Variants in PRICKLE2 observed in about 807,000 individuals in gnomAD.
The protein encoded by PRICKLE2 is prickle-like protein 2.
A neutral mutation model predicts 81.4 loss-of-function variants in PRICKLE2; 21 were observed. That is an observed-to-expected ratio of 0.26 (90% confidence interval 0.18 to 0.37). The LOEUF (loss-of-function observed/expected upper bound fraction) is 0.37. Among genes scored for constraint, PRICKLE2 ranks in the 10% least tolerant of loss-of-function variants. PRICKLE2 has a pLI of 1.00. For missense variants in PRICKLE2, 940 were observed against 1,109.0 expected, an observed-to-expected ratio of 0.85 and a Z score of 2.16; for synonymous variants, 456 against 421.5, an observed-to-expected ratio of 1.08 and a Z score of -1.00.
intron 6 of PRICKLE2, among the ~76,000 whole-genome samples, chr3:64,149,302 T>A (rs549826794): frequency 6.6e-6 from 1 of 152,256 alleles, no homozygotes; most frequent in South Asian, 2.1e-4. Flanking sequence ...GCAAAAAAAA[T>A]CTGCTCTCCT....
rs148462073 is a variant in PRICKLE2 at position 64,121,942 on chromosome 3, T to C, written c.1661-22017A>G. On this transcript the variant is annotated intron_variant, in intron 7 of 7. Coordinates refer to ENST00000638394, the MANE Select transcript of PRICKLE2 (RefSeq NM_198859.4). ...GAACCTTGGCTTTCTTCTGAACTTC[T>C]AGCAGAGACGCTCCAAGCTCCTCCC... is the stretch of plus-strand genomic sequence containing the variant. 1.4e-4 allele frequency among the ~76,000 whole-genome samples: 22 copies of C among 152,314 alleles called. 1 individual carries two copies. The East Asian group carries it at 4.1e-3, about 28-fold the overall frequency.
chr3:64,179,005 TTCTTTCTTTC>T (rs1033030083), intron 2 of PRICKLE2, among the ~76,000 whole-genome samples: 2 of 149,596 alleles, frequency 1.3e-5, no homozygotes, highest in African/African-American at 5.0e-5. Context: ...CTTTCTTTCT[TTCTTTCTTTC>T]TTTCTTTCTT....
intron 7 of PRICKLE2, chr3:64,100,760 T>C (rs1235786758): frequency 3.3e-5 from 5 of 152,234 alleles, no homozygotes; most frequent in African/African-American, 9.7e-5. Flanking sequence ...ATTTTGAAGG[T>C]AGTGGGAGAT....
At chr3:64,212,217 T>C (rs1379944139) in intron 1 of PRICKLE2, among the ~76,000 whole-genome samples, 1 of 152,242 alleles carries the variant, frequency 6.6e-6, no homozygotes, top group Non-Finnish European at 1.5e-5. Context: ...CTGTCAGACC[T>C]GCTGTTCTGC....
intron 2 of PRICKLE2, among the ~76,000 whole-genome samples, chr3:64,241,784 G>A (rs1384735417): frequency 6.6e-6 from 1 of 152,168 alleles, no homozygotes; most frequent in Non-Finnish European, 1.5e-5. Context: ...AGTACTGTCT[G>A]GGAAGGCAAC....
At chr3:64,118,953 A>T (rs1274799695) in intron 7 of PRICKLE2, among the ~76,000 whole-genome samples, 1 of 152,222 alleles carries the variant, frequency 6.6e-6, no homozygotes, top group Non-Finnish European at 1.5e-5. Context: ...CACACTAGCG[A>T]AGACATGGAA....
chr3:64,162,405 G>C (rs972419578), intron 3 of PRICKLE2, among the ~76,000 whole-genome samples: 4 of 152,016 alleles, frequency 2.6e-5, no homozygotes, highest in Admixed American at 1.3e-4. Context: ...TCGAGGATAA[G>C]AGATGCCCGC....
At chr3:64,257,900 G>A (rs778784030) in intron 2 of PRICKLE2, among the ~76,000 whole-genome samples, 2 of 152,084 alleles carry the variant, frequency 1.3e-5, no homozygotes, top group African/African-American at 4.8e-5. Flanking sequence ...CTCATGAATA[G>A]GATTAGTGCT....
At chr3:64,121,662 T>A (rs568532882) in intron 7 of PRICKLE2, among the ~76,000 whole-genome samples, 1 of 152,302 alleles carries the variant, frequency 6.6e-6, no homozygotes, top group East Asian at 1.9e-4. Flanking sequence ...GATGGCTAAG[T>A]TTTTTGGCAC....
intron 6 of PRICKLE2, among the ~76,000 whole-genome samples, chr3:64,150,851 G>A (rs1035032100): frequency 5.9e-5 from 9 of 152,206 alleles, no homozygotes; most frequent in Non-Finnish European, 1.5e-5. Context: ...ATCATAAAGC[G>A]GCCTGGCAGG....
intron 2 of PRICKLE2, chr3:64,182,804 G>A (rs974637731): frequency 3.3e-5 from 5 of 152,006 alleles, no homozygotes; most frequent in Admixed American, 2.0e-4. Context: ...AAGAAATGGC[G>A]AATAACCACT....
At chr3:64,193,100 A>G (rs2078376659) in intron 2 of PRICKLE2, among the ~76,000 whole-genome samples, 1 of 152,132 alleles carries the variant, frequency 6.6e-6, no homozygotes, top group East Asian at 1.9e-4. Context: ...TGACCACTAC[A>G]CCTCCAGAAA....
chr3:64,188,898 C>T (rs2078283679), intron 2 of PRICKLE2, among the ~76,000 whole-genome samples: 1 of 152,206 alleles, frequency 6.6e-6, no homozygotes, highest in African/African-American at 2.4e-5. Flanking sequence ...CAACTCCTTG[C>T]TCCAGATCAT....
intron 1 of PRICKLE2, among the ~76,000 whole-genome samples, chr3:64,208,128 GA>G (rs1474259755): frequency 6.6e-5 from 10 of 152,190 alleles, no homozygotes; most frequent in South Asian, 6.2e-4. Flanking sequence ...TCTGGGTAAA[GA>G]GAGCTTTTTC....
intron 6 of PRICKLE2, among the ~76,000 whole-genome samples, chr3:64,148,255 A>G (rs2077489127): frequency 6.6e-6 from 1 of 151,976 alleles, no homozygotes; most frequent in African/African-American, 2.4e-5. Flanking sequence ...TCAAAAGCCA[A>G]CTCCTCTGAG....
intron 3 of PRICKLE2, 117 bp from the exon 4 acceptor site, chr3:64,160,194 C>T: frequency 8.9e-7 from 1 of 1,124,414 alleles, no homozygotes; most frequent in Non-Finnish European, 1.3e-6. Context: ...ATAGCCCTCG[C>T]CTGAACTTTA....
chr3:64,265,539 GGTTTTCTAAATTATTTT>G (rs2107193708), intron 2 of PRICKLE2, among the ~76,000 whole-genome samples: 1 of 152,218 alleles, frequency 6.6e-6, no homozygotes, highest in Admixed American at 6.5e-5. Flanking sequence ...TCTGAGATTT[GGTTTTCTAAATTATTTT>G]TAAAAACCCA....
In PRICKLE2 at chr3:64,099,851, A is replaced by T. The variant is rs1193604927; in HGVS notation, c.1735T>A (p.Ser579Thr). Residue 579 changes from serine to threonine, a missense_variant, in exon 8 of 8, where the codon TCT becomes ACT. Ser to Thr is a moderately conservative substitution (Grantham distance 58). This residue lies in a region of PRICKLE2 where 670 missense variants were observed against 717.2 expected (regional missense o/e 0.93). Coordinates refer to ENST00000638394, the MANE Select transcript of PRICKLE2 (RefSeq NM_198859.4). This position sits in a 1 kb window ranked among gnomAD's most constrained non-coding sequence, Gnocchi z 4.3. ...AGCTTCTCAGACACATTCATTCCAG[A>T]GTCTTTGCTGAGGTCAGGCATGGAA... The part of the protein sequence containing the change: ...RFSMPDLSKD[S>T]GMNVSEKLSN... 6.2e-7 allele frequency: 1 copy of T among 1,614,132 alleles called. No individual in the cohort carries two copies.
intron 7 of PRICKLE2, among the ~76,000 whole-genome samples, chr3:64,140,927 A>T (rs948540808): frequency 2.0e-5 from 3 of 152,102 alleles, no homozygotes; most frequent in Non-Finnish European, 4.4e-5. Flanking sequence ...TGTGATTATG[A>T]CCCTTCTTGT....
Sources: gnomAD v4.1 joint callset for allele counts (sites outside exome capture counted in the v4.1 genomes callset) on GRCh38, gnomAD v4.1.1 for gene constraint, gnomAD v4.1.1 regional missense constraint, Gnocchi (gnomAD v3.1) non-coding constraint, MANE v1.5 for transcripts, NCBI Gene and HGNC (gene_info 2026-07-23, HGNC 2026-07-21) for gene names.